The following CTNNA3 variants were observed in gnomAD, a reference collection of about 807,000 sequenced individuals.
The protein encoded by CTNNA3 is catenin alpha-3.
Under a neutral mutation model 95.7 loss-of-function variants are expected in CTNNA3, and 76 were observed. The observed-to-expected ratio is 0.79, with a 90% CI of 0.66 to 0.96. The LOEUF (loss-of-function observed/expected upper bound fraction) is 0.96, where lower values mean the gene tolerates loss of function less well. Among genes scored for constraint, CTNNA3 ranks in the 40% least tolerant of loss-of-function variants. The pLI is 0.00. For missense variants in CTNNA3, 1,191 were observed against 1,089.8 expected (o/e 1.09, Z -1.31); for synonymous variants, 431 against 374.4 (o/e 1.15, Z -1.74).
intron 11 of CTNNA3, among the ~76,000 whole-genome samples, chr10:66,415,265 T>G (rs2394210): frequency 6.6e-6 from 1 of 151,640 alleles, no homozygotes; most frequent in Non-Finnish European, 1.5e-5. Flanking sequence ...ATCTCCCAGT[T>G]TAGTTCACCA....
At position 67,451,017 on chromosome 10, in the gene CTNNA3, G is replaced by A. The variant is rs184716742; in HGVS notation, c.579+70825C>T. On this transcript the variant is annotated intron_variant, in intron 5 of 17. Transcript: ENST00000433211. Reference sequence around the variant, plus strand: ...GCCATTGTAACAGTATTAAGAGGTAGGGCCTTTATGAGGTAATTAGGCCAT... The same window carrying A: ...GCCATTGTAACAGTATTAAGAGGTAAGGCCTTTATGAGGTAATTAGGCCAT... Among the ~76,000 whole-genome samples the A allele has an allele frequency of 5.9e-5, 9 of 152,218 alleles. No individual in the cohort carries two copies. The East Asian group carries it at 1.7e-3, about 29-fold the overall frequency.
chr10:67,744,126 T>C (rs1446845137), intron 1 of CTNNA3, among the ~76,000 whole-genome samples: 1 of 151,258 alleles, frequency 6.6e-6, no homozygotes, highest in Non-Finnish European at 1.5e-5. Context: ...TGCCAATGAC[T>C]TTCTTCACAG....
chr10:66,585,887 G>A (rs950833989), intron 10 of CTNNA3, among the ~76,000 whole-genome samples: 8 of 151,808 alleles, frequency 5.3e-5, no homozygotes, highest in Admixed American at 3.9e-4. Context: ...ATTTGTGTAG[G>A]CTATTTCTTC....
intron 1 of CTNNA3, among the ~76,000 whole-genome samples, chr10:67,688,126 G>T (rs1840769296): frequency 6.6e-6 from 1 of 152,168 alleles, no homozygotes; most frequent in South Asian, 2.1e-4. Flanking sequence ...CCTAGACCCT[G>T]TAAGACATCT....
chr10:66,123,947 G>T (rs1342595290), intron 13 of CTNNA3, among the ~76,000 whole-genome samples: 1 of 152,148 alleles, frequency 6.6e-6, no homozygotes, highest in Non-Finnish European at 1.5e-5. Context: ...TGATAGAAGG[G>T]GCTCCCATGA....
At chr10:67,740,763 G>T (rs995410424) in intron 1 of CTNNA3, among the ~76,000 whole-genome samples, 1 of 151,312 alleles carries the variant, frequency 6.6e-6, no homozygotes, top group African/African-American at 2.4e-5. Context: ...ATTCCTCAGG[G>T]ATCTAGAACT....
chr10:67,589,988 A>C (rs1842745086), intron 3 of CTNNA3, among the ~76,000 whole-genome samples: 1 of 152,166 alleles, frequency 6.6e-6, no homozygotes, highest in African/African-American at 2.4e-5. Context: ...AAAAAATCTC[A>C]AAGTCAAGTT....
chr10:67,524,489 G>A (rs948382620), intron 4 of CTNNA3, among the ~76,000 whole-genome samples: 9 of 151,224 alleles, frequency 6.0e-5, no homozygotes, highest in African/African-American at 2.2e-4. Flanking sequence ...AAGGAGAAAT[G>A]GAGAAAATCC....
At chr10:66,336,405 T>A (rs2092396969) in intron 12 of CTNNA3, among the ~76,000 whole-genome samples, 1 of 152,072 alleles carries the variant, frequency 6.6e-6, no homozygotes, top group Admixed American at 6.6e-5. Flanking sequence ...TTACCTAATT[T>A]GATTACCCAA....
intron 2 of CTNNA3, among the ~76,000 whole-genome samples, chr10:67,625,771 G>A (rs1185619355): frequency 6.6e-6 from 1 of 152,134 alleles, no homozygotes; most frequent in Non-Finnish European, 1.5e-5. Flanking sequence ...CTGGCCTATG[G>A]TCTAATGGCT....
intron 11 of CTNNA3, among the ~76,000 whole-genome samples, chr10:66,408,420 C>T (rs534840302): frequency 2.0e-5 from 3 of 152,124 alleles, no homozygotes; most frequent in East Asian, 1.9e-4. Context: ...CACAAAACCT[C>T]GACCACATGA....
chr10:67,045,582 C>G (rs1237330384), intron 7 of CTNNA3, among the ~76,000 whole-genome samples: 2 of 152,164 alleles, frequency 1.3e-5, no homozygotes, highest in Admixed American at 1.3e-4. Flanking sequence ...CCACGAACTT[C>G]CATTGCGTGA....
chr10:65,947,884 G>A (rs778917341), intron 17 of CTNNA3, among the ~76,000 whole-genome samples: 5 of 152,182 alleles, frequency 3.3e-5, no homozygotes, highest in Admixed American at 6.5e-5. Flanking sequence ...TCTCTGTGTT[G>A]AAGAGGAATA....
chr10:67,136,922 G>A (rs915066377), intron 7 of CTNNA3, among the ~76,000 whole-genome samples: 3 of 152,170 alleles, frequency 2.0e-5, no homozygotes, highest in African/African-American at 7.2e-5. Flanking sequence ...ATGAGTATTA[G>A]TTCATTTTTA....
At chr10:67,148,147 G>C (rs969657694) in intron 7 of CTNNA3, among the ~76,000 whole-genome samples, 4 of 152,064 alleles carry the variant, frequency 2.6e-5, no homozygotes, top group African/African-American at 4.8e-5. Context: ...AAATAAAGAA[G>C]ATCCCACTGG....
At chr10:67,635,287 T>A (rs1298432052) in intron 2 of CTNNA3, among the ~76,000 whole-genome samples, 1 of 152,068 alleles carries the variant, frequency 6.6e-6, no homozygotes, top group Non-Finnish European at 1.5e-5. Flanking sequence ...ATTCAAAAAA[T>A]TGAAAAGAAG....
intron 9 of CTNNA3, among the ~76,000 whole-genome samples, chr10:66,714,540 C>G (rs936761936): frequency 8.5e-5 from 13 of 152,152 alleles, no homozygotes; most frequent in African/African-American, 3.1e-4. Context: ...TTGCAGTAAT[C>G]CCCTATCTTG....
intron 17 of CTNNA3, among the ~76,000 whole-genome samples, chr10:65,925,570 G>T (rs983049673): frequency 6.6e-6 from 1 of 152,050 alleles, no homozygotes; most frequent in Non-Finnish European, 1.5e-5. Context: ...CCAAGTAGCT[G>T]GCATTACAGG....
intron 9 of CTNNA3, among the ~76,000 whole-genome samples, chr10:66,753,629 T>G (rs1284284282): frequency 6.6e-6 from 1 of 150,986 alleles, no homozygotes; most frequent in African/African-American, 2.4e-5. Context: ...ACCATTGCAC[T>G]CTAGCCTCGG....
Sources: gnomAD v4.1 joint callset for allele counts (sites outside exome capture counted in the v4.1 genomes callset) on GRCh38, gnomAD v4.1.1 for gene constraint, MANE v1.5 for transcripts, NCBI Gene and HGNC (gene_info 2026-07-23, HGNC 2026-07-21) for gene names.